The following EPM2A variants were observed in gnomAD, a reference collection of about 807,000 sequenced individuals.
The protein encoded by EPM2A is laforin.
In EPM2A, 21 loss-of-function variants were observed where a neutral mutation model predicts 26.5. That is an observed-to-expected ratio of 0.79 (90% confidence interval 0.56 to 1.14). EPM2A has a LOEUF of 1.14. EPM2A is among the 50% of genes most tolerant of loss of function. EPM2A has a pLI of 0.00. For missense variants in EPM2A, 458 were observed against 440.8 expected (o/e 1.04, Z -0.35); for synonymous variants, 217 against 177.6 (o/e 1.22, Z -1.76).
intron 1 of EPM2A, among the ~76,000 whole-genome samples, chr6:145,725,142 G>C (rs1424174773): frequency 9.7e-6 from 1 of 103,604 alleles, no homozygotes; most frequent in Non-Finnish European, 2.2e-5. Flanking sequence ...AAAATGAAAA[G>C]ATCTGAACAG....
At chr6:145,697,179 C>A (rs912346455) in intron 1 of EPM2A, among the ~76,000 whole-genome samples, 1 of 151,962 alleles carries the variant, frequency 6.6e-6, no homozygotes, top group Non-Finnish European at 1.5e-5. Context: ...GGACAGAGTA[C>A]AAAAGAGAGA....
chr6:145,496,009 C>T (rs79871674), intron 4 of EPM2A, among the ~76,000 whole-genome samples: 3,409 of 152,272 alleles, frequency 0.022, 46 homozygotes, highest in Admixed American at 0.031. Context: ...CTTATCAACT[C>T]TCTCAGCATT....
At chr6:145,467,162 A>G (rs923662070) in intron 4 of EPM2A, among the ~76,000 whole-genome samples, 3 of 151,986 alleles carry the variant, frequency 2.0e-5, no homozygotes, top group Non-Finnish European at 4.4e-5. Flanking sequence ...ATAAATAAAT[A>G]AAAATTATAA....
At chr6:145,641,653 C>T (rs1478598323) in intron 2 of EPM2A, among the ~76,000 whole-genome samples, 1 of 152,068 alleles carries the variant, frequency 6.6e-6, no homozygotes, top group East Asian at 1.9e-4. Flanking sequence ...CTTTTTTCAC[C>T]ATTCATCCTG....
chr6:145,515,473 T>C (rs556674972), intron 2 of EPM2A, among the ~76,000 whole-genome samples: 137 of 152,262 alleles, frequency 9.0e-4, no homozygotes, highest in Non-Finnish European at 1.7e-3. Context: ...AACTGAGAAG[T>C]CCAAGATCAA....
At chr6:145,399,734 T>C (rs535263100) in intron 4 of EPM2A, among the ~76,000 whole-genome samples, 3 of 152,198 alleles carry the variant, frequency 2.0e-5, no homozygotes, top group African/African-American at 4.8e-5. Context: ...ATACCTCCCT[T>C]TGTATTTATG....
chr6:145,500,800 T>C (rs1779878951), downstream of EPM2A, among the ~76,000 whole-genome samples: 2 of 152,128 alleles, frequency 1.3e-5, no homozygotes, highest in African/African-American at 2.4e-5. Context: ...CAAGTGTAGA[T>C]CTGGAAATTG....
intron 4 of EPM2A, among the ~76,000 whole-genome samples, chr6:145,388,533 A>G (rs924844514): frequency 7.9e-5 from 12 of 152,050 alleles, no homozygotes; most frequent in Admixed American, 5.2e-4. Context: ...TTATTATTAT[A>G]CTTTAAGTTC....
chr6:145,395,695 T>A (rs1443271737), intron 4 of EPM2A, among the ~76,000 whole-genome samples: 1 of 152,138 alleles, frequency 6.6e-6, no homozygotes, highest in Non-Finnish European at 1.5e-5. Context: ...GCACCTTCTT[T>A]CCTTTACCAG....
chr6:145,591,536 T>C (rs555567353), intron 2 of EPM2A, among the ~76,000 whole-genome samples: 1 of 151,302 alleles, frequency 6.6e-6, no homozygotes, highest in South Asian at 2.1e-4. Context: ...ACAAAAAGAG[T>C]GCAGTAAAGT....
chr6:145,431,151 A>G (rs1340932778), intron 4 of EPM2A, among the ~76,000 whole-genome samples: 1 of 152,226 alleles, frequency 6.6e-6, no homozygotes, highest in Non-Finnish European at 1.5e-5. Flanking sequence ...AATAATTGAA[A>G]TGTTTAATTC....
chr6:145,608,298 G>A (rs1367575735), intron 2 of EPM2A, among the ~76,000 whole-genome samples: 1 of 152,164 alleles, frequency 6.6e-6, no homozygotes, highest in East Asian at 1.9e-4. Flanking sequence ...AAAGTATAGT[G>A]TTTATAGGGA....
At chr6:145,704,096 A>G (rs953782699) in intron 1 of EPM2A, among the ~76,000 whole-genome samples, 1 of 152,220 alleles carries the variant, frequency 6.6e-6, no homozygotes, top group African/African-American at 2.4e-5. Context: ...TCTGAGCAAA[A>G]TTAAGCTATC....
At chr6:145,606,443 T>C (rs1201851047) in intron 2 of EPM2A, among the ~76,000 whole-genome samples, 1 of 151,896 alleles carries the variant, frequency 6.6e-6, no homozygotes, top group Non-Finnish European at 1.5e-5. Flanking sequence ...TTTGTTTTTG[T>C]TTATAATATT....
At chr6:145,640,459 C>A (rs911542842) in intron 2 of EPM2A, 2 of 152,110 alleles carry the variant, frequency 1.3e-5, no homozygotes, top group Admixed American at 1.3e-4. Flanking sequence ...CCTAAAGACT[C>A]CAACTGTTGA....
At chr6:145,519,718 A>G (rs1000843257) in intron 2 of EPM2A, among the ~76,000 whole-genome samples, 9 of 152,112 alleles carry the variant, frequency 5.9e-5, no homozygotes, top group African/African-American at 2.2e-4. Flanking sequence ...ACTTTTGAAG[A>G]TTGTAAAACT....
chr6:145,580,204 CA>C (rs1333080173), intron 2 of EPM2A, among the ~76,000 whole-genome samples: 1 of 152,090 alleles, frequency 6.6e-6, no homozygotes, highest in Non-Finnish European at 1.5e-5. Flanking sequence ...GGACTTCCTC[CA>C]AAATTTCATG....
intron 1 of EPM2A, among the ~76,000 whole-genome samples, chr6:145,687,856 A>G (rs79494091): frequency 0.02 from 3,012 of 152,124 alleles, 69 homozygotes; most frequent in African/African-American, 0.065. Context: ...TTTCTCGACG[A>G]CTACAAGGTG....
At chr6:145,541,572 T>C (rs1011788656) in intron 2 of EPM2A, among the ~76,000 whole-genome samples, 1 of 152,138 alleles carries the variant, frequency 6.6e-6, no homozygotes, top group Non-Finnish European at 1.5e-5. Context: ...CAATTGAAGG[T>C]GTCAAAACGA....
Sources: gnomAD v4.1 joint callset for allele counts (sites outside exome capture counted in the v4.1 genomes callset) on GRCh38, gnomAD v4.1.1 for gene constraint, MANE v1.5 for transcripts, NCBI Gene and HGNC (gene_info 2026-07-23, HGNC 2026-07-21) for gene names.